Variants in CABCOCO1 observed in about 807,000 individuals in gnomAD.
CABCOCO1 encodes ciliary-associated calcium-binding coiled-coil protein 1.
In CABCOCO1, 28 loss-of-function variants were observed where a neutral mutation model predicts 35.7. The ratio of observed to expected loss-of-function variants is 0.78; its 90% CI spans 0.58 to 1.07. The LOEUF (loss-of-function observed/expected upper bound fraction) is 1.07, where lower values mean the gene tolerates loss of function less well. Ranked by LOEUF, CABCOCO1 falls within the 50% of genes least tolerant of loss-of-function variation. CABCOCO1 has a pLI of 0.00. For synonymous variants in CABCOCO1, 95 were observed against 100.1 expected (o/e 0.95, Z 0.30); for missense variants, 326 against 309.2 (o/e 1.05, Z -0.41).
intron 5 of CABCOCO1, among the ~76,000 whole-genome samples, chr10:61,758,290 C>T (rs931280671): frequency 6.6e-5 from 10 of 151,972 alleles, no homozygotes; most frequent in African/African-American, 2.2e-4. Context: ...GTTTCAGAGG[C>T]CGCTAAAATA....
rs558743976 is a variant in CABCOCO1, at chr10:61,676,839, A to G, written c.164+4104A>G. Among the ~76,000 whole-genome samples, 947 of 152,118 alleles carry G rather than the reference A, an allele frequency of 6.2e-3. 12 individuals are homozygous for G. Among genetic ancestry groups the G allele is most frequent in the Non-Finnish European group, 5.3e-3 (361 of 67,990 alleles). On this transcript the variant is annotated intron_variant, in intron 2 of 7. Coordinates refer to ENST00000648843, the MANE Select transcript of CABCOCO1 (RefSeq NM_001366906.2). ...CACTTTGGGAGGCTGAGGCAGGCGG[A>G]TCATGAGGTCAGGAGATCGAGACCA... is the stretch of plus-strand genomic sequence containing the variant.
chr10:61,682,103 A>C (rs1004060359), intron 3 of CABCOCO1, among the ~76,000 whole-genome samples: 1 of 152,098 alleles, frequency 6.6e-6, no homozygotes, highest in African/African-American at 2.4e-5. Context: ...GAAAGTAAAA[A>C]TTTTCATGGA....
rs1842107323 is a variant in CABCOCO1 at position 61,766,219 on chromosome 10, C to G, written c.*206C>G. 4.6e-6 allele frequency: 2 copies of G among 438,514 alleles called. No homozygotes were observed. The highest frequency in any genetic ancestry group is 8.2e-6 in the Non-Finnish European group (2 of 242,662). 27.2% of individuals were successfully genotyped at this position (438,514 alleles called of 1,614,324 possible). A position where few individuals can be genotyped will look rare whatever the true frequency, so the allele number is the denominator to read the frequency against. ...CATAACAGCCTCTGAATTTATTGCA[C>G]CAAGTGTAATGAGAACATTTTGTAT... On this transcript the variant is annotated 3_prime_UTR_variant, in exon 8 of 8. Transcript: ENST00000648843.
chr10:61,677,939 G>T (rs1839574955), intron 2 of CABCOCO1, among the ~76,000 whole-genome samples: 1 of 147,620 alleles, frequency 6.8e-6, no homozygotes, highest in African/African-American at 2.5e-5. Flanking sequence ...TTTCTTTATG[G>T]TTTGTATCTT....
rs1284340916 is a variant in CABCOCO1 at position 61,690,548 on chromosome 10, G to A, written c.480-1G>A. On this transcript the variant is annotated splice_acceptor_variant, in intron 4 of 7. Coordinates refer to ENST00000648843, the MANE Select transcript of CABCOCO1 (RefSeq NM_001366906.2). LOFTEE classifies it high-confidence loss of function. ...GAGTGCACATTTATTTTATATTTCA[G>A]CTTATTTCAACACTACAAGCTATAC... The A allele has an allele frequency of 1.3e-6, 2 of 1,591,684 alleles. No individual in the cohort carries two copies.
At chr10:61,737,721 A>C (rs1348905164) in intron 5 of CABCOCO1, among the ~76,000 whole-genome samples, 1 of 152,172 alleles carries the variant, frequency 6.6e-6, no homozygotes. Context: ...ACCAAATACC[A>C]CATGTTCTCA....
Position 61,705,185 on chromosome 10 carries a change from G to A in CABCOCO1, c.552+14564G>A, listed in dbSNP as rs532333604. On this transcript the variant is annotated intron_variant, in intron 5 of 7. Transcript: ENST00000648843. ...CTAAAACCTTATCTGGTACCTGAGC[G>A]AGACAGACATTGGACTCCCTGTACT... is the stretch of plus-strand genomic sequence containing the variant. Among the ~76,000 whole-genome samples the A allele has an allele frequency of 5.9e-5, 9 of 152,282 alleles. No homozygotes were observed. In the South Asian group the frequency reaches 1.7e-3, roughly 28 times the overall value.
At chr10:61,737,732 CT>C (rs1841454034) in intron 5 of CABCOCO1, among the ~76,000 whole-genome samples, 1 of 152,144 alleles carries the variant, frequency 6.6e-6, no homozygotes, top group Non-Finnish European at 1.5e-5. Context: ...CATGTTCTCA[CT>C]TATAAGCGAG....
chr10:61,715,440 C>T (rs191773836), intron 5 of CABCOCO1, among the ~76,000 whole-genome samples: 19 of 152,226 alleles, frequency 1.2e-4, no homozygotes, highest in Admixed American at 7.8e-4. Context: ...GAATACAGCA[C>T]ACTGATGGGT....
intron 5 of CABCOCO1, among the ~76,000 whole-genome samples, chr10:61,727,467 AGTTC>A (rs1275674824): frequency 1.3e-5 from 2 of 152,128 alleles, no homozygotes; most frequent in Non-Finnish European, 2.9e-5. Context: ...AGAGCTCTAG[AGTTC>A]AAAGAATGTA....
At chr10:61,711,172 A>G (rs181749092) in intron 5 of CABCOCO1, among the ~76,000 whole-genome samples, 1 of 152,146 alleles carries the variant, frequency 6.6e-6, no homozygotes, top group East Asian at 1.9e-4. Flanking sequence ...ATCACATTAA[A>G]CATAACACCC....
chr10:61,766,171 C>A lies in CABCOCO1; in HGVS notation c.*158C>A. 1.6e-6 allele frequency: 1 copy of A among 627,120 alleles called. No homozygotes were observed. Among genetic ancestry groups the A allele is most frequent in the African/African-American group, 1.8e-5 (1 of 54,474 alleles). 38.8% of individuals were successfully genotyped at this position (627,120 alleles called of 1,614,324 possible). On this transcript the variant is annotated 3_prime_UTR_variant, in exon 8 of 8. Coordinates refer to ENST00000648843, the MANE Select transcript of CABCOCO1 (RefSeq NM_001366906.2). ...CCTAAGTAATTAGAAAAGTATTGGT[C>A]CCAATTTTGCTATCTCCCATCCCAT...
intron 5 of CABCOCO1, among the ~76,000 whole-genome samples, chr10:61,748,108 G>T (rs1234920361): frequency 2.6e-5 from 4 of 151,942 alleles, no homozygotes; most frequent in Non-Finnish European, 5.9e-5. Context: ...CAGATGAGGA[G>T]CAGCCTGATG....
chr10:61,675,460 A>G (rs971189817), intron 2 of CABCOCO1, among the ~76,000 whole-genome samples: 1 of 152,228 alleles, frequency 6.6e-6, no homozygotes, highest in Non-Finnish European at 1.5e-5. Context: ...TGTGGGGGAC[A>G]GCAAAGATGA....
At chr10:61,718,941 GTC>G in intron 5 of CABCOCO1, among the ~76,000 whole-genome samples, 1 of 152,052 alleles carries the variant, frequency 6.6e-6, no homozygotes, top group South Asian at 2.1e-4. Flanking sequence ...ATAATAAAAA[GTC>G]CAGTAAAATT....
chr10:61,711,884 A>C (rs992266498), intron 5 of CABCOCO1, among the ~76,000 whole-genome samples: 5 of 152,072 alleles, frequency 3.3e-5, no homozygotes, highest in Admixed American at 6.6e-5. Context: ...GAATTTAAAA[A>C]GCATTTTGAA....
intron 1 of CABCOCO1, among the ~76,000 whole-genome samples, chr10:61,671,270 G>C (rs1285646497): frequency 6.6e-6 from 1 of 151,772 alleles, no homozygotes; most frequent in Admixed American, 6.6e-5. Context: ...AGCTTGCAGT[G>C]AGCCGAGATC....
chr10:61,671,528 G>T (rs1298511001), intron 1 of CABCOCO1, among the ~76,000 whole-genome samples: 2 of 152,064 alleles, frequency 1.3e-5, no homozygotes, highest in African/African-American at 4.8e-5. Context: ...CACAAAGGTG[G>T]CATATGTATT....
chr10:61,678,564 A>G (rs939323222), intron 2 of CABCOCO1, among the ~76,000 whole-genome samples: 1 of 152,158 alleles, frequency 6.6e-6, no homozygotes. Flanking sequence ...ATATGACATA[A>G]CAGGAAATTC....
Sources: allele counts gnomAD v4.1 joint callset (sites outside exome capture counted in the v4.1 genomes callset), GRCh38; gene constraint gnomAD v4.1.1; transcripts MANE v1.5; gene names NCBI Gene and HGNC (gene_info 2026-07-23, HGNC 2026-07-21).